Variants in PPIL4 observed in about 807,000 individuals in gnomAD.
PPIL4 encodes the protein peptidylprolyl isomerase like 4.
In PPIL4, 50 loss-of-function variants were observed where a neutral mutation model predicts 69.1. The ratio of observed to expected loss-of-function variants is 0.72; its 90% confidence interval spans 0.58 to 0.92. PPIL4 has a LOEUF of 0.92. Among genes scored for constraint, PPIL4 ranks in the 40% least tolerant of loss-of-function variants. PPIL4 has a pLI of 0.00. For synonymous variants in PPIL4, 193 were observed against 191.6 expected (o/e 1.01, Z -0.06); for missense variants, 480 against 587.9 (o/e 0.82, Z 1.90).
Position 149,526,644 on chromosome 6 carries a change from A to G in PPIL4, c.803+8T>C, listed in dbSNP as rs765100905. On this transcript the variant is annotated splice_region_variant and intron_variant, in intron 8 of 12. Coordinates refer to ENST00000253329, the MANE Select transcript of PPIL4 (RefSeq NM_139126.4). ...CTAAATATCTCTTTCACTAATTCTA[A>G]GGATTACCTTCTTATTGGCCCAAAT... 6.2e-7 allele frequency: 1 copy of G among 1,601,470 alleles called. No individual in the cohort carries two copies. The highest frequency in any genetic ancestry group is 1.7e-5 in the Admixed American group (1 of 58,348).
Position 149,521,128 on chromosome 6 carries a change from A to T in PPIL4, c.914T>A (p.Leu305His). The T allele has an allele frequency of 6.2e-7, 1 of 1,606,746 alleles. No individual in the cohort carries two copies. The highest frequency in any genetic ancestry group is 8.5e-7 in the Non-Finnish European group (1 of 1,175,260). The part of the protein sequence containing the change: ...EKAFFKMDNV[L>H]IDDRRIHVDF... ...CACATGTATTCTTCTGTCATCTATA[A>T]GCACATTGTCCATTTTGAAGAATGC... The change falls in exon 10 of 13, where the codon CTT (leucine) becomes CAT (histidine). Residue 305 changes from leucine (L) to histidine (H), a missense_variant. By Grantham distance (99) the Leu-to-His change is moderately conservative. Coordinates refer to ENST00000253329, the MANE Select transcript of PPIL4 (RefSeq NM_139126.4).
intron 7 of PPIL4, among the ~76,000 whole-genome samples, chr6:149,529,390 C>T (rs1209740056): frequency 6.7e-6 from 1 of 148,244 alleles, no homozygotes; most frequent in Non-Finnish European, 1.5e-5. Context: ...CCCTGGAGGT[C>T]GGGGTGCAGT....
chr6:149,537,951 T>C (rs1259369578), intron 4 of PPIL4, among the ~76,000 whole-genome samples: 1 of 152,022 alleles, frequency 6.6e-6, no homozygotes, highest in East Asian at 1.9e-4. Context: ...ATGGATATGA[T>C]GTACAAGGAA....
At chr6:149,544,240 A>G (rs754805457) in intron 1 of PPIL4, among the ~76,000 whole-genome samples, 46 of 152,154 alleles carry the variant, frequency 3.0e-4, no homozygotes, top group Non-Finnish European at 6.2e-4. Flanking sequence ...AAAATTCCCT[A>G]TGATATTCTT....
chr6:149,520,336 G>A (rs889009845), intron 10 of PPIL4, among the ~76,000 whole-genome samples: 2 of 152,054 alleles, frequency 1.3e-5, no homozygotes, highest in African/African-American at 4.8e-5. Flanking sequence ...AGGAATGAAT[G>A]AGACTTTTAT....
intron 10 of PPIL4, among the ~76,000 whole-genome samples, chr6:149,519,540 A>G (rs984642287): frequency 2.6e-5 from 4 of 152,194 alleles, no homozygotes; most frequent in African/African-American, 9.7e-5. Flanking sequence ...CACTGTCAAA[A>G]ACTAGCCATG....
chr6:149,514,841 T>C (rs190893157), intron 11 of PPIL4, among the ~76,000 whole-genome samples: 1 of 151,834 alleles, frequency 6.6e-6, no homozygotes, highest in Non-Finnish European at 1.5e-5. Flanking sequence ...GTATTTTTTT[T>C]AATTTTTTTT....
At chr6:149,513,771 A>G (rs1235172747) in intron 11 of PPIL4, among the ~76,000 whole-genome samples, 1 of 152,172 alleles carries the variant, frequency 6.6e-6, no homozygotes, top group Admixed American at 6.5e-5. Flanking sequence ...AATTTCATCT[A>G]AATGTGTTAA....
chr6:149,541,441 G>A lies in PPIL4; in HGVS notation c.139-10C>T, dbSNP rs1777360811. On this transcript the variant is annotated splice_polypyrimidine_tract_variant and intron_variant, in intron 2 of 12. Transcript: ENST00000253329. ...GTATGATAAAATCCCTCTGTAATAT[G>A]TAGGATTCTTTGTTAATTCACAGAG... 2 of 1,580,088 alleles carry A rather than the reference G, an allele frequency of 1.3e-6. No homozygotes were observed. The highest frequency in any genetic ancestry group is 1.7e-6 in the Non-Finnish European group (2 of 1,153,426).
chr6:149,533,890 C>T (rs933171938), intron 6 of PPIL4, among the ~76,000 whole-genome samples: 2 of 152,188 alleles, frequency 1.3e-5, no homozygotes, highest in African/African-American at 4.8e-5. Flanking sequence ...GGCATGGTGG[C>T]TCGTGCCTGT....
chr6:149,517,900 G>A (rs560436461), intron 10 of PPIL4: 506 of 153,568 alleles, frequency 3.3e-3, no homozygotes, highest in Non-Finnish European at 4.3e-3. Context: ...GCTGAGGCAG[G>A]AGGATCGCGT....
At chr6:149,540,191 G>T (rs1230358015) in intron 4 of PPIL4, among the ~76,000 whole-genome samples, 1 of 152,196 alleles carries the variant, frequency 6.6e-6, no homozygotes, top group Non-Finnish European at 1.5e-5. Flanking sequence ...TCAACTTCAT[G>T]TGTATATAGT....
chr6:149,545,853 C>G, intron 1 of PPIL4, 83 bp downstream of exon 1: 1 of 1,292,070 alleles, frequency 7.7e-7, no homozygotes, highest in Non-Finnish European at 1.1e-6. Flanking sequence ...TAGCCAATCT[C>G]TGCCCTGGAC....
intron 1 of PPIL4, among the ~76,000 whole-genome samples, chr6:149,542,074 A>G (rs963856474): frequency 6.6e-6 from 1 of 152,110 alleles, no homozygotes; most frequent in African/African-American, 2.4e-5. Context: ...AACATTTTAA[A>G]TTACCTTTTT....
chr6:149,543,833 C>G (rs756092308), intron 1 of PPIL4, among the ~76,000 whole-genome samples: 1 of 152,066 alleles, frequency 6.6e-6, no homozygotes, highest in Non-Finnish European at 1.5e-5. Context: ...TTAAACAAAG[C>G]TGGTCATGTG....
intron 12 of PPIL4, among the ~76,000 whole-genome samples, chr6:149,506,896 C>T (rs1420532462): frequency 6.6e-6 from 1 of 152,218 alleles, no homozygotes; most frequent in Non-Finnish European, 1.5e-5. Context: ...CCTCACTCAG[C>T]TGATTAGGCT....
chr6:149,511,204 A>G (rs1350076207), intron 12 of PPIL4, among the ~76,000 whole-genome samples: 1 of 152,038 alleles, frequency 6.6e-6, no homozygotes. Flanking sequence ...TATGTGGTAA[A>G]ACAAAAGCAA....
chr6:149,515,530 G>GT (rs1776931270), intron 11 of PPIL4, among the ~76,000 whole-genome samples: 1 of 152,104 alleles, frequency 6.6e-6, no homozygotes, highest in Non-Finnish European at 1.5e-5. Context: ...TAATTTAGAC[G>GT]TATTTAGAAT....
chr6:149,540,400 AG>A (rs938167712), intron 4 of PPIL4, among the ~76,000 whole-genome samples: 1 of 152,214 alleles, frequency 6.6e-6, no homozygotes, highest in African/African-American at 2.4e-5. Flanking sequence ...GCGGATCATG[AG>A]GTCACGTGAT....
Sources: gnomAD v4.1 joint callset for allele counts (sites outside exome capture counted in the v4.1 genomes callset) on GRCh38, gnomAD v4.1.1 for gene constraint, MANE v1.5 for transcripts, NCBI Gene and HGNC (gene_info 2026-07-23, HGNC 2026-07-21) for gene names.